Variants in ARID4A observed in about 807,000 individuals in gnomAD.
ARID4A encodes the protein AT-rich interactive domain-containing protein 4A.
A neutral mutation model predicts 148.6 loss-of-function variants in ARID4A; 39 were observed. That is an observed-to-expected ratio of 0.26 (90% CI 0.20 to 0.34). ARID4A has a LOEUF of 0.34. Ranked by LOEUF, ARID4A falls within the 10% of genes least tolerant of loss-of-function variation. ARID4A has a pLI of 1.00. For missense variants in ARID4A, 1,265 were observed against 1,449.1 expected, an observed-to-expected ratio of 0.87 and a Z score of 2.06; for synonymous variants, 475 against 481.2, an observed-to-expected ratio of 0.99 and a Z score of 0.17.
At chr14:58,344,629 A>C in intron 11 of ARID4A, 66 bp from the exon 12 acceptor site, 1 of 1,205,656 alleles carries the variant, frequency 8.3e-7, no homozygotes, top group Non-Finnish European at 1.2e-6. Context: ...GGTTCACAAA[A>C]ATAAAAGAAG....
rs375498932 is a variant in ARID4A, at chr14:58,328,294, C to A, written c.640C>A (p.Arg214=). Residue 214 remains arginine (R), a synonymous_variant, in exon 9 of 24, where the codon CGA becomes AGA. Transcript: ENST00000355431. ...AGTGAAAAAGGATCAGTGTTTAGTT[C>A]GATCATTTATTGATTCTAAATTGTG... ...ITVKKDQCLV[R]SFIDSKFYSI... 2.3e-5 allele frequency: 37 copies of A among 1,600,400 alleles called. No individual in the cohort carries two copies. The Admixed American group carries it at 5.5e-4, about 24-fold the overall frequency.
At chr14:58,321,261 G>C (rs2032869800) in intron 7 of ARID4A, among the ~76,000 whole-genome samples, 1 of 152,136 alleles carries the variant, frequency 6.6e-6, no homozygotes, top group African/African-American at 2.4e-5. Flanking sequence ...GCCTGAATCA[G>C]TTAGTACTAT....
intron 16 of ARID4A, 93 bp downstream of exon 16, chr14:58,351,416 T>C: frequency 6.8e-7 from 1 of 1,479,416 alleles, no homozygotes; most frequent in Non-Finnish European, 9.0e-7. Context: ...AGGGAATGTT[T>C]TCTTATTGGG....
chr14:58,313,605 G>A (rs1391507479), intron 5 of ARID4A, among the ~76,000 whole-genome samples: 1 of 152,186 alleles, frequency 6.6e-6, no homozygotes, highest in East Asian at 1.9e-4. Flanking sequence ...TATGAGGACT[G>A]AGAATGACCA....
chr14:58,353,986 C>T (rs1453728963), intron 17 of ARID4A, 131 bp downstream of exon 17: 14 of 820,504 alleles, frequency 1.7e-5, no homozygotes, highest in Non-Finnish European at 2.4e-5. Context: ...CTGAATTTTC[C>T]AAGACTTTGA....
intron 5 of ARID4A, among the ~76,000 whole-genome samples, chr14:58,311,890 G>A (rs1194046592): frequency 7.4e-6 from 1 of 135,506 alleles, no homozygotes; most frequent in Non-Finnish European, 1.6e-5. Flanking sequence ...TTATTAGAGA[G>A]TAGAGTGTTG....
Position 58,365,320 on chromosome 14 carries a change from A to G in ARID4A, c.3211+20A>G. ...AGAAGGGTAAGGACTTTCTAGGGAA[A>G]AGTAAGTGTTTATATGAAACCAAAA... is the stretch of plus-strand genomic sequence containing the variant. On this transcript the variant is annotated intron_variant, in intron 20 of 23. Coordinates refer to ENST00000355431, the MANE Select transcript of ARID4A (RefSeq NM_002892.4). The G allele has an allele frequency of 6.3e-7, 1 of 1,587,074 alleles. No individual in the cohort carries two copies. Among genetic ancestry groups the G allele is most frequent in the South Asian group, 1.2e-5 (1 of 86,078 alleles).
chr14:58,351,285 C>T lies in ARID4A; in HGVS notation c.1617C>T (p.Asp539=). Residue 539 remains aspartate (D), a synonymous_variant, in exon 16 of 24, where the codon GAC becomes GAT. Transcript: ENST00000355431. ...EKKIKKQEDS[D]KDSDEEEEKS... ...AAATTAAAAAACAGGAGGATTCTGA[C>T]AAAGACTCAGATGAAGAGGAAGAGA... 1.2e-6 allele frequency: 2 copies of T among 1,608,424 alleles called. No individual in the cohort carries two copies. The highest frequency in any genetic ancestry group is 8.5e-7 in the Non-Finnish European group (1 of 1,178,850).
intron 11 of ARID4A, among the ~76,000 whole-genome samples, chr14:58,343,270 CTTTATA>C (rs1257302923): frequency 3.9e-5 from 6 of 152,094 alleles, no homozygotes; most frequent in African/African-American, 1.4e-4. Flanking sequence ...ATTTAAATTT[CTTTATA>C]TTTGGTAAAA....
intron 15 of ARID4A, among the ~76,000 whole-genome samples, chr14:58,349,758 G>A (rs934738326): frequency 1.3e-5 from 2 of 151,736 alleles, no homozygotes; most frequent in Non-Finnish European, 2.9e-5. Context: ...TGGGACAAAG[G>A]TATACAGACC....
At chr14:58,332,486 G>C (rs1296592098) in intron 11 of ARID4A, among the ~76,000 whole-genome samples, 1 of 151,994 alleles carries the variant, frequency 6.6e-6, no homozygotes, top group African/African-American at 2.4e-5. Flanking sequence ...AAATTTTGTT[G>C]CTTTAGAAAA....
In ARID4A at chr14:58,353,747, A is replaced by G. The variant is rs1268425579; in HGVS notation, c.1745A>G (p.Lys582Arg). 6.2e-7 allele frequency: 1 copy of G among 1,614,098 alleles called. No individual in the cohort carries two copies. The change falls in exon 17 of 24, where the codon AAA (lysine) becomes AGA (arginine). Residue 582 changes from lysine (K) to arginine (R), a missense_variant. Transcript: ENST00000355431. ...CTAACAGGAACCAAAGTGAAAGTAA[A>G]ATATGGACGAGGGAAGACTCAGAAA... Reference protein sequence around the residue: ...PCLTGTKVKVKYGRGKTQKIY... With the variant: ...PCLTGTKVKVRYGRGKTQKIY...
At chr14:58,369,044 TA>T (rs1286375402) in intron 23 of ARID4A, among the ~76,000 whole-genome samples, 2 of 151,700 alleles carry the variant, frequency 1.3e-5, no homozygotes, top group Non-Finnish European at 1.5e-5. Context: ...AGCAGGAATT[TA>T]AAAAAAATAA....
chr14:58,365,084 G>C lies in ARID4A; in HGVS notation c.2995G>C (p.Val999Leu). ...TATTCCACCTGCCCTACCTCCTGTA[G>C]TCCAACATAACTTTTCAGTAGCTTC... Reference protein sequence around the residue: ...VSIPPALPPVVQHNFSVASPL... With the variant: ...VSIPPALPPVLQHNFSVASPL... Residue 999 changes from valine (V) to leucine (L), a missense_variant, in exon 20 of 24, where the codon GTC becomes CTC. Coordinates refer to ENST00000355431, the MANE Select transcript of ARID4A (RefSeq NM_002892.4). The C allele has an allele frequency of 6.2e-7, 1 of 1,614,108 alleles. No individual in the cohort carries two copies. Among genetic ancestry groups the C allele is most frequent in the East Asian group, 2.2e-5 (1 of 44,880 alleles).
Position 58,323,604 on chromosome 14 carries a change from G to T in ARID4A, c.569G>T (p.Trp190Leu). The T allele has an allele frequency of 6.2e-7, 1 of 1,612,274 alleles. No individual in the cohort carries two copies. The highest frequency in any genetic ancestry group is 1.1e-5 in the South Asian group (1 of 90,726). ...GTGTCTGCAACGGAGAGGACTGAAT[G>T]GTATCCTGCTTTGGTAAGTAAAGTT... ...SVVSATERTE[W>L]YPALVISPSC... The change falls in exon 8 of 24, where the codon TGG becomes TTG. Residue 190 changes from tryptophan to leucine, a missense_variant. By Grantham distance (61) the Trp-to-Leu change is moderately conservative. This residue lies in a region of ARID4A where 249 missense variants were observed against 277.2 expected (regional missense o/e 0.90). Coordinates refer to ENST00000355431, the MANE Select transcript of ARID4A (RefSeq NM_002892.4).
intron 11 of ARID4A, among the ~76,000 whole-genome samples, chr14:58,340,386 G>A (rs1566699920): frequency 6.6e-6 from 1 of 151,902 alleles, no homozygotes; most frequent in South Asian, 2.1e-4. Flanking sequence ...GTCTTGCTCT[G>A]TTGCCCAGGC....
At chr14:58,327,506 GA>G (rs1381957900) in intron 8 of ARID4A, among the ~76,000 whole-genome samples, 2 of 150,982 alleles carry the variant, frequency 1.3e-5, no homozygotes, top group African/African-American at 2.4e-5. Context: ...AGGTAACATA[GA>G]TTTTTTTTTT....
chr14:58,309,879 G>C (rs2031890399), intron 5 of ARID4A, among the ~76,000 whole-genome samples: 1 of 152,140 alleles, frequency 6.6e-6, no homozygotes, highest in African/African-American at 2.4e-5. Context: ...AGTTAATATT[G>C]AGTAGAGGAG....
rs185891857 is a variant in ARID4A at position 58,311,781 on chromosome 14, T to G, written c.274+5669T>G. 2.6e-5 allele frequency among the ~76,000 whole-genome samples: 4 copies of G among 152,288 alleles called. No homozygotes were observed. In the East Asian group the frequency reaches 7.7e-4, roughly 29 times the overall value. On this transcript the variant is annotated intron_variant, in intron 5 of 23. Coordinates refer to ENST00000355431, the MANE Select transcript of ARID4A (RefSeq NM_002892.4). The stretch of plus-strand genomic sequence containing the variant: ...TTAAAAAGAAGGAAATCCTGACATT[T>G]CTTACAACATGGTTGAATCCAGGGG...
Sources: allele counts gnomAD v4.1 joint callset (sites outside exome capture counted in the v4.1 genomes callset), GRCh38; gene constraint gnomAD v4.1.1; regional missense constraint gnomAD v4.1.1; transcripts MANE v1.5; gene names NCBI Gene and HGNC (gene_info 2026-07-23, HGNC 2026-07-21).